Variants in DNAH12 observed in about 807,000 individuals in gnomAD.
DNAH12 encodes the protein dynein axonemal heavy chain 12.
In DNAH12, 285 loss-of-function variants were observed where a neutral mutation model predicts 371.5. The observed-to-expected ratio is 0.77, with a 90% CI of 0.70 to 0.85. DNAH12 has a LOEUF of 0.85. DNAH12 is among the 40% of genes least tolerant of loss of function. The pLI, the probability that DNAH12 is intolerant of heterozygous loss-of-function variation, is 0.00. For synonymous variants in DNAH12, 1,200 were observed against 1,213.0 expected (o/e 0.99, Z 0.22); for missense variants, 3,611 against 3,689.4 (o/e 0.98, Z 0.55).
chr3:57,366,252 A>C (rs1332644790), intron 57 of DNAH12, among the ~76,000 whole-genome samples: 2 of 152,194 alleles, frequency 1.3e-5, no homozygotes, highest in Admixed American at 1.3e-4. Context: ...TGACAATGTC[A>C]AAAAGTTACC....
chr3:57,487,373 GAA>G (rs745504623), intron 12 of DNAH12, among the ~76,000 whole-genome samples: 51 of 28,800 alleles, frequency 1.8e-3, no homozygotes, highest in Non-Finnish European at 2.8e-3. Flanking sequence ...GAGAAAGAAA[GAA>G]AAAAAAAAAG....
intron 35 of DNAH12, 132 bp from the exon 36 acceptor site, chr3:57,421,838 G>C: frequency 2.3e-6 from 2 of 877,276 alleles, no homozygotes; most frequent in Non-Finnish European, 3.5e-6. Context: ...AAATAAAGTA[G>C]AATGGAGCAC....
At chr3:57,304,562 A>G (rs1313257355) in intron 69 of DNAH12, among the ~76,000 whole-genome samples, 1 of 152,094 alleles carries the variant, frequency 6.6e-6, no homozygotes, top group Non-Finnish European at 1.5e-5. Flanking sequence ...GATGCATTTT[A>G]TCCGTGAACC....
intron 2 of DNAH12, among the ~76,000 whole-genome samples, chr3:57,535,567 A>T (rs1285880216): frequency 6.6e-6 from 1 of 152,094 alleles, no homozygotes; most frequent in Non-Finnish European, 1.5e-5. Context: ...TTTAAGACAG[A>T]GTTTTGCTCT....
intron 43 of DNAH12, 43 bp downstream of exon 43, chr3:57,403,266 A>G: frequency 6.6e-7 from 1 of 1,503,878 alleles, no homozygotes; most frequent in Non-Finnish European, 8.9e-7. Flanking sequence ...GTAAAAGAAT[A>G]TACTGTTTTC....
intron 65 of DNAH12, among the ~76,000 whole-genome samples, chr3:57,316,269 T>C (rs555479677): frequency 3.3e-5 from 5 of 152,022 alleles, no homozygotes. Flanking sequence ...TGATGCTGTT[T>C]TGTGTTGACT....
intron 4 of DNAH12, among the ~76,000 whole-genome samples, chr3:57,514,042 A>G (rs6445905): frequency 0.61 from 92,844 of 152,076 alleles, 29,219 homozygotes; most frequent in South Asian, 0.68. Flanking sequence ...ATAGTGAAAA[A>G]TGAGAAAGAT....
At chr3:57,459,850 GA>G (rs1174604572) in intron 19 of DNAH12, 64 bp from the exon 20 acceptor site, 1 of 1,183,220 alleles carries the variant, frequency 8.5e-7, no homozygotes, top group Non-Finnish European at 1.1e-6. Flanking sequence ...TTATAGCAAG[GA>G]AAATACATTT....
At chr3:57,503,926 A>G (rs2067651541) in intron 9 of DNAH12, 90 bp downstream of exon 9, 1 of 1,003,508 alleles carries the variant, frequency 1.0e-6, no homozygotes. Flanking sequence ...AATAACAGAA[A>G]GAGTCATAAC....
Position 57,470,543 on chromosome 3 carries a change from C to A in DNAH12, c.2005G>T (p.Glu669Ter). Residue 669 changes from glutamate to a stop codon, truncating the protein, a stop_gained, in exon 16 of 74, where the codon GAA (glutamate) becomes TAA (stop). Transcript: ENST00000495027. LOFTEE classifies it high-confidence loss of function. The stretch of plus-strand genomic sequence containing the variant: ...TCCAGTTCAGGATATTTTGTCAATT[C>A]CCACTTGAAAAGTTCCTCTTCTTTA... ...INKEEELFKWELTKYPELDKL... is the reference protein window; with the variant it reads ...INKEEELFKW 1 of 1,550,074 alleles carries A rather than the reference C, an allele frequency of 6.5e-7. No homozygotes were observed. The highest frequency in any genetic ancestry group is 8.7e-7 in the Non-Finnish European group (1 of 1,146,630).
chr3:57,351,673 T>G (rs1457298311), intron 60 of DNAH12, among the ~76,000 whole-genome samples: 1 of 152,206 alleles, frequency 6.6e-6, no homozygotes, highest in African/African-American at 2.4e-5. Flanking sequence ...GAATACATAT[T>G]ACTTGCTTTC....
At chr3:57,328,494 T>C (rs1475009913) in intron 62 of DNAH12, among the ~76,000 whole-genome samples, 3 of 148,436 alleles carry the variant, frequency 2.0e-5, no homozygotes, top group South Asian at 2.2e-4. Context: ...GAAAAGGCCT[T>C]TGACAAAATT....
intron 8 of DNAH12, among the ~76,000 whole-genome samples, chr3:57,504,957 G>A (rs1011002660): frequency 6.0e-5 from 9 of 150,136 alleles, no homozygotes; most frequent in Non-Finnish European, 1.2e-4. Flanking sequence ...GCAAGACCTC[G>A]ATTCACTGCA....
Position 57,347,630 on chromosome 3 carries a change from C to T in DNAH12, c.9674+4455G>A, listed in dbSNP as rs181415234. Among the ~76,000 whole-genome samples, 977 of 150,478 alleles carry T rather than the reference C, an allele frequency of 6.5e-3. 11 individuals carry two copies. Among genetic ancestry groups the T allele is most frequent in the African/African-American group, 0.023 (933 of 40,974 alleles). The stretch of plus-strand genomic sequence containing the variant: ...ACTGGGGAGGCTGAGGCAGGAGAAT[C>T]GATTGAACCCAGGAGGCGGAGGTTG... On this transcript the variant is annotated intron_variant, in intron 60 of 73. Transcript: ENST00000495027.
rs1049959783 is a variant in DNAH12, at chr3:57,445,943, G to C, written c.4179+88C>G. 16 of 1,282,030 alleles carry C rather than the reference G, an allele frequency of 1.2e-5. 1 individual carries two copies. In the Admixed American group the frequency reaches 2.7e-4, roughly 22 times the overall value. The allele number at this position is 1,282,030 out of a possible 1,614,324, so 79.4% of individuals were successfully genotyped here. On this transcript the variant is annotated intron_variant, in intron 27 of 73. Coordinates refer to ENST00000495027, the MANE Select transcript of DNAH12 (RefSeq NM_001366028.2). The stretch of plus-strand genomic sequence containing the variant: ...GTGGAGGTTGCAGTGAGCCAAGATC[G>C]CGCCACTGCACTCCAGCCTGGGCAA...
intron 38 of DNAH12, 145 bp from the exon 39 acceptor site, chr3:57,414,057 A>T: frequency 1.3e-6 from 1 of 767,358 alleles, no homozygotes; most frequent in Non-Finnish European, 2.0e-6. Context: ...CTATTTGCTT[A>T]ATTTATCAAT....
intron 30 of DNAH12, among the ~76,000 whole-genome samples, chr3:57,436,330 C>T (rs985580476): frequency 6.6e-6 from 1 of 151,982 alleles, no homozygotes; most frequent in Non-Finnish European, 1.5e-5. Context: ...TAGATGAGGC[C>T]CTTCAAGTGA....
At chr3:57,410,119 G>T (rs1386776876) in intron 39 of DNAH12, among the ~76,000 whole-genome samples, 1 of 152,198 alleles carries the variant, frequency 6.6e-6, no homozygotes, top group Non-Finnish European at 1.5e-5. Context: ...GTTGAAAAGT[G>T]CAGGCATACC....
intron 45 of DNAH12, 64 bp from the exon 46 acceptor site, chr3:57,387,283 A>G (rs1466745225): frequency 6.6e-6 from 1 of 152,254 alleles, no homozygotes; most frequent in Non-Finnish European, 1.5e-5. Flanking sequence ...TTCCAACTCC[A>G]TAAGTTAATG....
Sources: gnomAD v4.1 joint callset for allele counts (sites outside exome capture counted in the v4.1 genomes callset) on GRCh38, gnomAD v4.1.1 for gene constraint, MANE v1.5 for transcripts, NCBI Gene and HGNC (gene_info 2026-07-23, HGNC 2026-07-21) for gene names.